Variants in CNTN1 observed in about 807,000 individuals in gnomAD.
CNTN1 encodes contactin 1.
Under a neutral mutation model 126.4 loss-of-function variants are expected in CNTN1, and 38 were observed. That is an observed-to-expected ratio of 0.30 (90% CI 0.23 to 0.39). The LOEUF is 0.39. Among genes scored for constraint, CNTN1 ranks in the 10% least tolerant of loss-of-function variants. CNTN1 has a pLI of 1.00. For synonymous variants in CNTN1, 413 were observed against 422.6 expected (o/e 0.98, Z 0.28); for missense variants, 1,009 against 1,248.4 (o/e 0.81, Z 2.89).
chr12:40,871,415 G>A (rs1592185626), intron 1 of CNTN1, among the ~76,000 whole-genome samples: 1 of 152,218 alleles, frequency 6.6e-6, no homozygotes, highest in East Asian at 1.9e-4. Context: ...TTTATAGAGA[G>A]TAGACTACAG....
intron 1 of CNTN1, among the ~76,000 whole-genome samples, chr12:40,805,701 T>G (rs1195913736): frequency 6.6e-6 from 1 of 151,996 alleles, no homozygotes; most frequent in Non-Finnish European, 1.5e-5. Context: ...GAAAATAGTT[T>G]GCTGTGTGTG....
chr12:40,928,328 T>G (rs894625751), intron 6 of CNTN1, among the ~76,000 whole-genome samples: 1 of 152,026 alleles, frequency 6.6e-6, no homozygotes, highest in African/African-American at 2.4e-5. Context: ...TTAATACTCC[T>G]TTCTGAATGT....
chr12:40,775,245 T>G (rs547156569), intron 1 of CNTN1, among the ~76,000 whole-genome samples: 24 of 151,448 alleles, frequency 1.6e-4, no homozygotes, highest in Non-Finnish European at 2.7e-4. Flanking sequence ...GGAAGGAAAC[T>G]AACATATTTA....
At chr12:40,770,811 A>G (rs1939307011) in intron 1 of CNTN1, among the ~76,000 whole-genome samples, 1 of 152,158 alleles carries the variant, frequency 6.6e-6, no homozygotes, top group African/African-American at 2.4e-5. Flanking sequence ...TTTTTCTGTT[A>G]CGTGAACTTT....
chr12:40,799,259 T>C (rs1940557479), intron 1 of CNTN1, among the ~76,000 whole-genome samples: 1 of 151,358 alleles, frequency 6.6e-6, no homozygotes, highest in South Asian at 2.1e-4. Context: ...ATTTTTATAC[T>C]TGATACAATC....
At chr12:40,766,372 A>AG (rs1939090727) in intron 1 of CNTN1, among the ~76,000 whole-genome samples, 1 of 146,288 alleles carries the variant, frequency 6.8e-6, no homozygotes, top group Non-Finnish European at 1.5e-5. Context: ...AAAAAAAAAA[A>AG]AGAAAGAAAG....
intron 1 of CNTN1, among the ~76,000 whole-genome samples, chr12:40,714,965 T>C (rs185625467): frequency 6.6e-5 from 10 of 152,172 alleles, no homozygotes; most frequent in Non-Finnish European, 1.3e-4. Context: ...GATTGAAAAA[T>C]TCTCTGTGAA....
At chr12:40,823,471 T>C (rs1941513638) in intron 1 of CNTN1, among the ~76,000 whole-genome samples, 1 of 152,214 alleles carries the variant, frequency 6.6e-6, no homozygotes, top group South Asian at 2.1e-4. Context: ...TAATAAGGGC[T>C]TTGTGATGAT....
At chr12:40,908,838 C>G (rs142591804) in intron 2 of CNTN1, among the ~76,000 whole-genome samples, 217 of 152,168 alleles carry the variant, frequency 1.4e-3, no homozygotes, top group Non-Finnish European at 2.9e-3. Flanking sequence ...AGATGTGCAA[C>G]CGCTCACCAG....
chr12:40,940,042 A>C (rs1243589705), intron 12 of CNTN1, among the ~76,000 whole-genome samples: 1 of 152,198 alleles, frequency 6.6e-6, no homozygotes, highest in East Asian at 1.9e-4. Flanking sequence ...TGTACAACTT[A>C]TATAGATTAT....
chr12:41,013,533 CA>C (rs34197329), intron 17 of CNTN1, among the ~76,000 whole-genome samples: 17,421 of 142,414 alleles, frequency 0.12, 1,555 homozygotes, highest in African/African-American at 0.26. Context: ...GAGTGAAGTA[CA>C]AAAAAAAAAA....
rs192783991 is a variant in CNTN1, at chr12:40,896,296, T to A, written c.-76-12061T>A. On this transcript the variant is annotated intron_variant, in intron 1 of 23. Transcript: ENST00000551295. ...TAAAGATATGTATAAGGTATGTTTT[T>A]TTTTCCCTCTCTCTCAGAAACTTAT... is the stretch of plus-strand genomic sequence containing the variant. Among the ~76,000 whole-genome samples, 697 of 152,308 alleles carry A rather than the reference T, an allele frequency of 4.6e-3. 6 individuals are homozygous for A. Among genetic ancestry groups the A allele is most frequent in the African/African-American group, 0.012 (518 of 41,558 alleles).
intron 23 of CNTN1, among the ~76,000 whole-genome samples, chr12:41,059,090 A>G (rs1949886986): frequency 6.6e-6 from 1 of 152,178 alleles, no homozygotes; most frequent in Admixed American, 6.5e-5. Flanking sequence ...AAACAAATGA[A>G]TTCAAGGTCA....
At chr12:40,749,745 C>T (rs190677808) in intron 1 of CNTN1, among the ~76,000 whole-genome samples, 3 of 97,026 alleles carry the variant, frequency 3.1e-5, no homozygotes, top group Admixed American at 1.0e-4. Flanking sequence ...GTAACATGAC[C>T]AAAATCACAG....
chr12:41,008,526 G>T (rs551024205), intron 17 of CNTN1, among the ~76,000 whole-genome samples: 1 of 152,230 alleles, frequency 6.6e-6, no homozygotes, highest in South Asian at 2.1e-4. Flanking sequence ...TCATTGGGTG[G>T]CTAGTGTAAT....
intron 1 of CNTN1, among the ~76,000 whole-genome samples, chr12:40,794,873 G>A (rs1244517135): frequency 1.3e-5 from 2 of 152,024 alleles, no homozygotes; most frequent in Admixed American, 6.6e-5. Flanking sequence ...TGCACACTAT[G>A]AGAGAATTTT....
At chr12:40,728,045 A>AG (rs921700304) in intron 1 of CNTN1, among the ~76,000 whole-genome samples, 9 of 152,204 alleles carry the variant, frequency 5.9e-5, no homozygotes, top group African/African-American at 2.2e-4. Context: ...AGAAGAGTGC[A>AG]GCTATGTGGT....
chr12:40,830,590 G>A (rs756955681), intron 1 of CNTN1, among the ~76,000 whole-genome samples: 37 of 150,650 alleles, frequency 2.5e-4, no homozygotes, highest in South Asian at 6.3e-4. Context: ...TAATATAAGG[G>A]TTTATAATTT....
At chr12:40,878,238 C>T (rs1450770333) in intron 1 of CNTN1, among the ~76,000 whole-genome samples, 1 of 151,224 alleles carries the variant, frequency 6.6e-6, no homozygotes, top group Admixed American at 6.6e-5. Flanking sequence ...CTCAGGTGAT[C>T]GCCGGCCTCA....
Sources: allele counts gnomAD v4.1 joint callset (sites outside exome capture counted in the v4.1 genomes callset), GRCh38; gene constraint gnomAD v4.1.1; transcripts MANE v1.5; gene names NCBI Gene and HGNC (gene_info 2026-07-23, HGNC 2026-07-21).